Variants in CASD1 observed in about 807,000 individuals in gnomAD.
CASD1 encodes the protein CAS1 domain sialic acid O acetyltransferase 1, also known as N-acetylneuraminate (7)9-O-acetyltransferase.
In CASD1, 41 loss-of-function variants were observed where a neutral mutation model predicts 100.0. The ratio of observed to expected loss-of-function variants is 0.41; its 90% CI spans 0.32 to 0.53. The LOEUF (loss-of-function observed/expected upper bound fraction) is 0.53, where lower values mean the gene tolerates loss of function less well. CASD1 is among the 20% of genes least tolerant of loss of function. The pLI, the probability that CASD1 is intolerant of heterozygous loss-of-function variation, is 0.25. For missense variants in CASD1, 774 were observed against 948.7 expected, an observed-to-expected ratio of 0.82 and a Z score of 2.42; for synonymous variants, 321 against 315.6, an observed-to-expected ratio of 1.02 and a Z score of -0.18.
At chr7:94,566,925 C>G in the CASD1 span, among the ~76,000 whole-genome samples, 1 of 152,064 alleles carries the variant, frequency 6.6e-6, no homozygotes, top group Non-Finnish European at 1.5e-5. Flanking sequence ...GATGGCTCTT[C>G]TGGTTAGGCT....
rs1584441914 is a variant in CASD1, at chr7:94,555,717, C to G, written c.2353C>G (p.Leu785Val). Residue 785 changes from leucine (L) to valine (V), a missense_variant, in exon 18 of 18, where the codon CTC becomes GTC. By Grantham distance (32) the Leu-to-Val change is conservative. Coordinates refer to ENST00000297273, the MANE Select transcript of CASD1 (RefSeq NM_022900.5). Reference protein sequence around the residue: ...LACIAAFFCGLLILSSIQDKS... With the variant: ...LACIAAFFCGVLILSSIQDKS... ...ATGTATAGCTGCATTTTTTTGTGGA[C>G]TCCTCATCTTATCATCCATTCAAGA... The G allele has an allele frequency of 1.2e-6, 2 of 1,613,080 alleles. No individual in the cohort carries two copies. Among genetic ancestry groups the G allele is most frequent in the Non-Finnish European group, 1.7e-6 (2 of 1,179,480 alleles).
chr7:94,573,253 G>T, the CASD1 span, among the ~76,000 whole-genome samples: 2 of 152,036 alleles, frequency 1.3e-5, no homozygotes, highest in African/African-American at 4.8e-5. Context: ...TTTTTTTCTA[G>T]TTCTGTGAAG....
At chr7:94,560,609 T>A (rs983465255), downstream of CASD1, among the ~76,000 whole-genome samples, 4 of 152,162 alleles carry the variant, frequency 2.6e-5, no homozygotes, top group African/African-American at 9.7e-5. Flanking sequence ...AATATCAGTG[T>A]GGAATGGATG....
At chr7:94,554,433 A>G (rs1286966325) in intron 16 of CASD1, 50 bp from the exon 17 acceptor site, 7 of 1,209,552 alleles carry the variant, frequency 5.8e-6, no homozygotes, top group Non-Finnish European at 8.4e-6. Flanking sequence ...TATACAAAAT[A>G]CTTTTCAATA....
chr7:94,575,147 A>C, the CASD1 span, among the ~76,000 whole-genome samples: 1 of 151,990 alleles, frequency 6.6e-6, no homozygotes. Flanking sequence ...TTAAGTTGTT[A>C]ATTTAAGATC....
At chr7:94,612,129 C>G in the CASD1 span, among the ~76,000 whole-genome samples, 76 of 152,198 alleles carry the variant, frequency 5.0e-4, 2 homozygotes, top group East Asian at 0.014. Flanking sequence ...ATGAATGTTT[C>G]TTACAACTGT....
the CASD1 span, among the ~76,000 whole-genome samples, chr7:94,615,493 A>G: frequency 6.6e-6 from 1 of 152,170 alleles, no homozygotes; most frequent in African/African-American, 2.4e-5. Context: ...GCCCAGGATC[A>G]TGACTTTCCA....
chr7:94,510,823 C>T (rs1329640601), intron 1 of CASD1, among the ~76,000 whole-genome samples: 2 of 152,264 alleles, frequency 1.3e-5, no homozygotes, highest in African/African-American at 2.4e-5. Flanking sequence ...GAAGAGGTGC[C>T]ACCCAGCTTT....
the CASD1 span, chr7:94,628,213 T>A: frequency 6.2e-7 from 1 of 1,611,308 alleles, no homozygotes; most frequent in Middle Eastern, 1.7e-4. Context: ...TCAATGATTG[T>A]TGGCTTCCCC....
At chr7:94,580,863 C>T in the CASD1 span, among the ~76,000 whole-genome samples, 1,812 of 152,302 alleles carry the variant, frequency 0.012, 34 homozygotes, top group African/African-American at 0.041. Flanking sequence ...TTTGAATTAA[C>T]AGGGAGTAGT....
At chr7:94,527,422 C>T (rs10229564) in intron 4 of CASD1, among the ~76,000 whole-genome samples, 88,012 of 151,908 alleles carry the variant, frequency 0.58, 25,608 homozygotes, top group South Asian at 0.73. Context: ...GTATGTGTTC[C>T]GGGTTAATGT....
At chr7:94,597,587 AAG>A in the CASD1 span, 2 of 152,176 alleles carry the variant, frequency 1.3e-5, no homozygotes, top group African/African-American at 4.8e-5. Context: ...GAGAGTGAGA[AAG>A]AGAGATTTTT....
At chr7:94,531,005 A>G (rs957624033) in intron 5 of CASD1, among the ~76,000 whole-genome samples, 3 of 152,160 alleles carry the variant, frequency 2.0e-5, no homozygotes, top group African/African-American at 7.2e-5. Context: ...GGCTCTCAGG[A>G]CAGTTTTAAT....
chr7:94,534,022 ACCT>A (rs747016713), intron 7 of CASD1, among the ~76,000 whole-genome samples: 8 of 152,060 alleles, frequency 5.3e-5, no homozygotes, highest in Non-Finnish European at 1.0e-4. Flanking sequence ...CCTCCAAGAA[ACCT>A]CATGGCTATA....
At chr7:94,618,867 C>T in the CASD1 span, 1 of 1,613,852 alleles carries the variant, frequency 6.2e-7, no homozygotes, top group African/African-American at 1.3e-5. Flanking sequence ...TTCACTGCGC[C>T]AAGAAAGTCT....
At chr7:94,533,910 T>C (rs1160993959) in intron 7 of CASD1, 108 bp downstream of exon 7, 1 of 1,079,654 alleles carries the variant, frequency 9.3e-7, no homozygotes. Context: ...AGAATTAATT[T>C]TGAAACAAGA....
rs1449150415 is a variant in CASD1 at position 94,517,545 on chromosome 7, G to GT, written c.134-12dup. 1 of 1,550,680 alleles carries GT rather than the reference G, an allele frequency of 6.4e-7. No individual in the cohort carries two copies. The highest frequency in any genetic ancestry group is 1.1e-5 in the South Asian group (1 of 87,654). ...TAACTATTGTTTACAACACTGTTGT[G>GT]TTTAACTGTTTTAGGCAATGATTCG... is the stretch of plus-strand genomic sequence containing the variant. On this transcript the variant is annotated splice_polypyrimidine_tract_variant and intron_variant, in intron 1 of 17. Transcript: ENST00000297273.
chr7:94,583,038 A>G, the CASD1 span, among the ~76,000 whole-genome samples: 1 of 152,184 alleles, frequency 6.6e-6, no homozygotes, highest in African/African-American at 2.4e-5. Flanking sequence ...TATGGTCAAG[A>G]TATGAGAACA....
At chr7:94,513,482 C>T (rs771310889) in intron 1 of CASD1, among the ~76,000 whole-genome samples, 6 of 151,984 alleles carry the variant, frequency 3.9e-5, no homozygotes, top group African/African-American at 7.3e-5. Context: ...GTGCTTTGCC[C>T]GTTTATACGT....
Sources: allele counts gnomAD v4.1 joint callset (sites outside exome capture counted in the v4.1 genomes callset), GRCh38; gene constraint gnomAD v4.1.1; transcripts MANE v1.5; gene names NCBI Gene and HGNC (gene_info 2026-07-23, HGNC 2026-07-21).